Variants in CELF2 observed in about 807,000 individuals in gnomAD.
CELF2 encodes the protein CUGBP Elav-like family member 2.
In CELF2, 8 loss-of-function variants were observed where a neutral mutation model predicts 62.6. The ratio of observed to expected loss-of-function variants is 0.13; its 90% CI spans 0.07 to 0.23. The LOEUF (loss-of-function observed/expected upper bound fraction) is 0.23. Among genes scored for constraint, CELF2 ranks in the 10% least tolerant of loss-of-function variants. The probability of loss-of-function intolerance (pLI) is 1.00; values close to 1 mark genes in which losing one functional copy is unlikely to be tolerated. For synonymous variants in CELF2, 258 were observed against 250.0 expected, an observed-to-expected ratio of 1.03 and a Z score of -0.30; for missense variants, 333 against 671.0, an observed-to-expected ratio of 0.50 and a Z score of 5.56.
chr10:11,096,116 A>G (rs922493093), intron 1 of CELF2, among the ~76,000 whole-genome samples: 6 of 152,234 alleles, frequency 3.9e-5, no homozygotes, highest in Admixed American at 6.5e-5. Context: ...GAAGCGCATT[A>G]TGCACCAATG....
At chr10:11,024,739 G>C (rs1045486208) in intron 1 of CELF2, among the ~76,000 whole-genome samples, 1 of 152,164 alleles carries the variant, frequency 6.6e-6, no homozygotes, top group Non-Finnish European at 1.5e-5. Flanking sequence ...CAGCTGATTT[G>C]TCTGACATTT....
At chr10:10,616,692 G>C in the CELF2 span, among the ~76,000 whole-genome samples, 1 of 65,542 alleles carries the variant, frequency 1.5e-5, no homozygotes, top group Admixed American at 1.6e-4. Context: ...GTGTGTGTGC[G>C]TGTGTGTGTG....
At chr10:10,953,254 A>G (rs1564253671) in intron 2 of CELF2, among the ~76,000 whole-genome samples, 1 of 152,238 alleles carries the variant, frequency 6.6e-6, no homozygotes, top group South Asian at 2.1e-4. Context: ...AGGAAAATAC[A>G]GTCCATCACT....
chr10:11,067,988 T>TG (rs1169390393), intron 1 of CELF2, among the ~76,000 whole-genome samples: 2 of 152,136 alleles, frequency 1.3e-5, no homozygotes, highest in Non-Finnish European at 2.9e-5. Context: ...CAGTAGGGGA[T>TG]GGGGGGAGGA....
At chr10:10,827,224 C>T (rs1319246804) in intron 1 of CELF2, among the ~76,000 whole-genome samples, 1 of 152,132 alleles carries the variant, frequency 6.6e-6, no homozygotes, top group African/African-American at 2.4e-5. Context: ...TGCATATCCC[C>T]ATGAGCACAT....
intron 1 of CELF2, among the ~76,000 whole-genome samples, chr10:11,069,505 G>C (rs2069141752): frequency 6.6e-6 from 1 of 152,210 alleles, no homozygotes; most frequent in Non-Finnish European, 1.5e-5. Flanking sequence ...TCAGTAGGGA[G>C]TACTTCATCA....
chr10:10,933,022 C>A (rs1592100904), intron 2 of CELF2, among the ~76,000 whole-genome samples: 1 of 151,922 alleles, frequency 6.6e-6, no homozygotes, highest in East Asian at 1.9e-4. Flanking sequence ...AGGCCGGGCA[C>A]AGTGGCTCAT....
rs145299032 is a variant in CELF2, at chr10:11,230,970, G to C, written c.354+13463G>C. Among the ~76,000 whole-genome samples, 190 of 152,312 alleles carry C rather than the reference G, an allele frequency of 1.2e-3. 2 individuals carry two copies. Among genetic ancestry groups the C allele is most frequent in the African/African-American group, 4.4e-3 (184 of 41,566 alleles). On this transcript the variant is annotated intron_variant, in intron 3 of 12. Transcript: ENST00000633077. ...GAAAGCAAAGCATTTATTACCCTGT[G>C]TCTCTTGCTATCCGCAGCTTGAGAG...
chr10:10,818,296 G>T (rs188750952), intron 1 of CELF2, among the ~76,000 whole-genome samples: 1 of 152,146 alleles, frequency 6.6e-6, no homozygotes, highest in Non-Finnish European at 1.5e-5. Flanking sequence ...GAGTGTATCA[G>T]TCACATGCAC....
At chr10:10,788,646 AC>A in the CELF2 span, among the ~76,000 whole-genome samples, 1 of 151,638 alleles carries the variant, frequency 6.6e-6, no homozygotes, top group Non-Finnish European at 1.5e-5. Flanking sequence ...TATTTTTAGT[AC>A]AGATGGGGTT....
At chr10:10,941,193 A>T (rs2135452493) in intron 2 of CELF2, among the ~76,000 whole-genome samples, 1 of 152,326 alleles carries the variant, frequency 6.6e-6, no homozygotes, top group African/African-American at 2.4e-5. Context: ...GGCAATGATT[A>T]CTTTCTCTTT....
At chr10:11,272,601 G>T (rs2084251722) in intron 7 of CELF2, among the ~76,000 whole-genome samples, 1 of 152,244 alleles carries the variant, frequency 6.6e-6, no homozygotes, top group African/African-American at 2.4e-5. Context: ...CAAATTGTTT[G>T]TGTAGGTGAA....
At chr10:10,736,068 T>C in the CELF2 span, among the ~76,000 whole-genome samples, 1 of 152,306 alleles carries the variant, frequency 6.6e-6, no homozygotes, top group African/African-American at 2.4e-5. Context: ...TGGACTAGAT[T>C]TTATTGAGTA....
chr10:11,197,376 A>G (rs2058235940), intron 2 of CELF2, among the ~76,000 whole-genome samples: 1 of 152,236 alleles, frequency 6.6e-6, no homozygotes, highest in Non-Finnish European at 1.5e-5. Flanking sequence ...TTGTGGCTTA[A>G]GTAGCATCCA....
At chr10:10,581,481 G>T in the CELF2 span, among the ~76,000 whole-genome samples, 1 of 152,124 alleles carries the variant, frequency 6.6e-6, no homozygotes, top group Non-Finnish European at 1.5e-5. Context: ...GCAGGGTGGA[G>T]ATTGTGTCAG....
intron 1 of CELF2, among the ~76,000 whole-genome samples, chr10:10,869,379 C>T (rs939980663): frequency 3.3e-5 from 5 of 152,122 alleles, no homozygotes; most frequent in Middle Eastern, 3.4e-3. Context: ...CTGGCCAACA[C>T]AGTGAAACCC....
Position 11,319,222 on chromosome 10 carries a change from G to A in CELF2, c.1097-1967G>A, listed in dbSNP as rs1358849824. The A allele has an allele frequency of 2.0e-5, 8 of 402,546 alleles. No individual in the cohort carries two copies. The highest frequency in any genetic ancestry group is 4.1e-5 in the Non-Finnish European group (8 of 194,970). 24.9% of individuals were successfully genotyped at this position (402,546 alleles called of 1,614,324 possible). A position where few individuals can be genotyped will look rare whatever the true frequency, so the allele number is the denominator to read the frequency against. ...CACCCGTTAACAGCCTGGCCAAAGTGAGACCAACAGAATTTATCAGCAGCG... is the reference window on the plus strand; with the variant it reads ...CACCCGTTAACAGCCTGGCCAAAGTAAGACCAACAGAATTTATCAGCAGCG... On this transcript the variant is annotated intron_variant, in intron 10 of 12. Coordinates refer to ENST00000633077, the MANE Select transcript of CELF2 (RefSeq NM_001326342.2). The surrounding 1 kb of genome is among the most constrained non-coding windows in gnomAD (Gnocchi z 4.4).
chr10:10,879,330 C>T (rs1189278289), intron 1 of CELF2, among the ~76,000 whole-genome samples: 1 of 152,170 alleles, frequency 6.6e-6, no homozygotes, highest in Non-Finnish European at 1.5e-5. Context: ...ATACTTAGTG[C>T]CACGCACTGG....
At chr10:10,854,400 C>T (rs2059580719) in intron 1 of CELF2, among the ~76,000 whole-genome samples, 1 of 152,198 alleles carries the variant, frequency 6.6e-6, no homozygotes, top group Non-Finnish European at 1.5e-5. Context: ...GCCAAACCTA[C>T]AAATGGCTCC....
Sources: gnomAD v4.1 joint callset for allele counts (sites outside exome capture counted in the v4.1 genomes callset) on GRCh38, gnomAD v4.1.1 for gene constraint, Gnocchi (gnomAD v3.1) non-coding constraint, MANE v1.5 for transcripts, NCBI Gene and HGNC (gene_info 2026-07-23, HGNC 2026-07-21) for gene names.